FMN1: variants seen among roughly 807,000 people sequenced by gnomAD.
FMN1 encodes the protein formin-1.
A neutral mutation model predicts 132.4 loss-of-function variants in FMN1; 110 were observed. The ratio of observed to expected loss-of-function variants is 0.83; its 90% CI spans 0.71 to 0.97. The LOEUF (loss-of-function observed/expected upper bound fraction) is 0.97. Among genes scored for constraint, FMN1 ranks in the 50% least tolerant of loss-of-function variants. The pLI, the probability that FMN1 is intolerant of heterozygous loss-of-function variation, is 0.00. For synonymous variants in FMN1, 722 were observed against 651.7 expected (o/e 1.11, Z -1.64); for missense variants, 1,792 against 1,705.3 (o/e 1.05, Z -0.90).
chr15:33,018,027 T>C (rs1222605117), intron 6 of FMN1, among the ~76,000 whole-genome samples: 3 of 150,208 alleles, frequency 2.0e-5, no homozygotes, highest in African/African-American at 4.9e-5. Context: ...ATCACACCAC[T>C]GCACTCCAGC....
intron 7 of FMN1, chr15:32,970,781 T>C (rs2031716522): frequency 8.7e-6 from 1 of 114,998 alleles, no homozygotes; most frequent in African/African-American, 3.0e-5. Context: ...ATCTACCATT[T>C]GTCTGGTGTT....
chr15:32,779,183 C>CA (rs1479598122), intron 19 of FMN1, among the ~76,000 whole-genome samples: 2 of 152,122 alleles, frequency 1.3e-5, no homozygotes, highest in African/African-American at 4.8e-5. Flanking sequence ...GCTAACCAGT[C>CA]AAAGATTTCC....
chr15:32,908,557 C>T lies in FMN1; in HGVS notation c.3310G>A (p.Val1104Ile), dbSNP rs780894486. 5.6e-6 allele frequency: 9 copies of T among 1,602,768 alleles called. No individual in the cohort carries two copies. The African/African-American group carries it at 8.2e-5, about 15-fold the overall frequency. The change falls in exon 12 of 21, where the codon GTT becomes ATT. Residue 1104 changes from valine (V) to isoleucine (I), a missense_variant. Physicochemically the swap from Val to Ile is conservative, Grantham distance 29 (BLOSUM62 3). Coordinates refer to ENST00000616417, the MANE Select transcript of FMN1 (RefSeq NM_001277313.2). ...YENRAQEDEL[V>I]KIRKYYETSK... ...GTCTCGTAATACTTTCTTATTTTAA[C>T]CAGCTCATCCTCTTGGGCTCTCTGT...
At chr15:33,116,069 G>C (rs1028228579) in intron 4 of FMN1, among the ~76,000 whole-genome samples, 1 of 152,126 alleles carries the variant, frequency 6.6e-6, no homozygotes, top group Non-Finnish European at 1.5e-5. Context: ...AGACTATAGA[G>C]ATCCAACTAT....
chr15:32,958,770 A>G (rs1264583627), intron 9 of FMN1, among the ~76,000 whole-genome samples: 2 of 152,168 alleles, frequency 1.3e-5, no homozygotes, highest in African/African-American at 4.8e-5. Context: ...GGCTGGGTGC[A>G]GTGGCTCACG....
intron 6 of FMN1, among the ~76,000 whole-genome samples, chr15:33,017,811 TC>T (rs574290712): frequency 0.015 from 2,327 of 152,336 alleles, 24 homozygotes; most frequent in Middle Eastern, 0.041. Context: ...ACGCCCGTAA[TC>T]CCAGCACTTT....
intron 5 of FMN1, among the ~76,000 whole-genome samples, chr15:33,083,094 G>T (rs1301849828): frequency 6.6e-6 from 1 of 152,064 alleles, no homozygotes; most frequent in Non-Finnish European, 1.5e-5. Context: ...CTACACCAAA[G>T]TACCAGTTGT....
At position 32,969,269 on chromosome 15, in the gene FMN1, G is replaced by T; in HGVS notation, c.2432C>A (p.Thr811Asn). The T allele has an allele frequency of 6.2e-7, 1 of 1,613,922 alleles. No individual in the cohort carries two copies. The highest frequency in any genetic ancestry group is 8.5e-7 in the Non-Finnish European group (1 of 1,179,890). Residue 811 changes from threonine (T) to asparagine (N), a missense_variant, in exon 8 of 21, where the codon ACC (threonine) becomes AAC (asparagine). Thr to Asn is a moderately conservative substitution (Grantham distance 65). Coordinates refer to ENST00000616417, the MANE Select transcript of FMN1 (RefSeq NM_001277313.2). ...TTCACTTTCACAGGGCTTGAGGAAG[G>T]TCTCTCTGTCTGTCTGGACGCACAC... The part of the protein sequence containing the change: ...RNVCVQTDRE[T>N]FLKPCESESK...
At chr15:32,798,216 A>ACACACACACACC (rs1286307994) in intron 19 of FMN1, among the ~76,000 whole-genome samples, 1 of 140,876 alleles carries the variant, frequency 7.1e-6, no homozygotes, top group African/African-American at 2.6e-5. Context: ...ACACACACAC[A>ACACACACACACC]CCCCGTCTAT....
chr15:33,035,132 C>T (rs12592204), intron 6 of FMN1, among the ~76,000 whole-genome samples: 40,965 of 152,020 alleles, frequency 0.27, 5,746 homozygotes, highest in Non-Finnish European at 0.31. Flanking sequence ...GATACACATA[C>T]ATATGTACTC....
At position 32,770,013 on chromosome 15, in the gene FMN1, A is replaced by C. The variant is rs1179432823; in HGVS notation, c.*4297T>G. ...AAAGACAATTTAAACTGTTTTATAA[A>C]ATCAGATATTTAATATTTGGATCAG... On this transcript the variant is annotated 3_prime_UTR_variant, in exon 21 of 21. Transcript: ENST00000616417. 1 of 152,228 alleles carries C rather than the reference A, an allele frequency of 6.6e-6. No individual in the cohort carries two copies. The highest frequency in any genetic ancestry group is 1.5e-5 in the Non-Finnish European group (1 of 68,034). The allele number at this position is 152,228 out of a possible 1,614,324, so 9.4% of individuals were successfully genotyped here.
intron 19 of FMN1, 54 bp from the exon 20 acceptor site, chr15:32,776,973 G>A: frequency 9.3e-7 from 1 of 1,075,288 alleles, no homozygotes; most frequent in African/African-American, 1.6e-5. Flanking sequence ...AAGGAAGAGG[G>A]AAAAGGAAAG....
At position 32,769,617 on chromosome 15, in the gene FMN1, G is replaced by A. The variant is rs1006678336; in HGVS notation, c.*4693C>T. The A allele has an allele frequency of 2.0e-4, 30 of 152,158 alleles. No individual in the cohort carries two copies. The highest frequency in any genetic ancestry group is 6.5e-4 in the African/African-American group (27 of 41,434). 9.4% of individuals were successfully genotyped at this position (152,158 alleles called of 1,614,324 possible). A position where few individuals can be genotyped will look rare whatever the true frequency, so the allele number is the denominator to read the frequency against. On this transcript the variant is annotated 3_prime_UTR_variant, in exon 21 of 21. Coordinates refer to ENST00000616417, the MANE Select transcript of FMN1 (RefSeq NM_001277313.2). Reference sequence around the variant, plus strand: ...ACTTCTATACTAATAACAGTTTCCAGGCAGCTGGATTGTTTCTCTCTATAG... The same window carrying A: ...ACTTCTATACTAATAACAGTTTCCAAGCAGCTGGATTGTTTCTCTCTATAG...
In FMN1 at chr15:32,848,977, G is replaced by GTTTTTTTTTTTTTTTTTTT. The variant is rs71113479; in HGVS notation, c.3928+8019_3928+8037dup. The stretch of plus-strand genomic sequence containing the variant: ...ATCAGTCTTGGGTTAGTTCTCTTTT[G>GTTTTTTTTTTTTTTTTTTT]TTTTTTTTTTTTTTTTTTTTTTCAG... On this transcript the variant is annotated intron_variant, in intron 17 of 20. Coordinates refer to ENST00000616417, the MANE Select transcript of FMN1 (RefSeq NM_001277313.2). Among the ~76,000 whole-genome samples the GTTTTTTTTTTTTTTTTTTT allele has an allele frequency of 1.3e-4, 12 of 89,576 alleles. 1 individual carries two copies. Among genetic ancestry groups the GTTTTTTTTTTTTTTTTTTT allele is most frequent in the South Asian group, 9.8e-4 (2 of 2,050 alleles). The allele number at this position is 89,576 out of a possible 152,430, so 58.8% of individuals were successfully genotyped here. A position where few individuals can be genotyped will look rare whatever the true frequency, so the allele number is the denominator to read the frequency against.
At chr15:32,980,663 G>A (rs552254168) in intron 7 of FMN1, among the ~76,000 whole-genome samples, 2 of 152,236 alleles carry the variant, frequency 1.3e-5, no homozygotes, top group South Asian at 4.1e-4. Flanking sequence ...CTGATTTCCT[G>A]AATCTATGTC....
At chr15:32,810,070 C>A (rs1270891296) in intron 17 of FMN1, among the ~76,000 whole-genome samples, 1 of 152,260 alleles carries the variant, frequency 6.6e-6, no homozygotes, top group South Asian at 2.1e-4. Flanking sequence ...TAGGCACGCA[C>A]CATGGCTGGC....
chr15:33,011,294 G>A (rs980576137), intron 6 of FMN1, among the ~76,000 whole-genome samples: 3 of 152,078 alleles, frequency 2.0e-5, no homozygotes, highest in South Asian at 2.1e-4. Context: ...TAGCACTGAA[G>A]ATCATTAGTT....
chr15:32,996,462 G>A (rs576087855), intron 7 of FMN1, among the ~76,000 whole-genome samples: 2 of 152,268 alleles, frequency 1.3e-5, no homozygotes, highest in South Asian at 4.1e-4. Flanking sequence ...TAGATCAGAG[G>A]CAAAGGTCAA....
intron 10 of FMN1, among the ~76,000 whole-genome samples, chr15:32,925,515 T>A (rs1384160866): frequency 6.6e-6 from 1 of 152,140 alleles, no homozygotes; most frequent in Non-Finnish European, 1.5e-5. Flanking sequence ...CCTGGTTTCT[T>A]CAACAAGTAA....
Sources: gnomAD v4.1 joint callset for allele counts (sites outside exome capture counted in the v4.1 genomes callset) on GRCh38, gnomAD v4.1.1 for gene constraint, MANE v1.5 for transcripts, NCBI Gene and HGNC (gene_info 2026-07-23, HGNC 2026-07-21) for gene names.